The following LRRIQ3 variants were observed in gnomAD, a reference collection of about 807,000 sequenced individuals.
The protein encoded by LRRIQ3 is leucine rich repeats and IQ motif containing 3.
A neutral mutation model predicts 59.3 loss-of-function variants in LRRIQ3; 75 were observed. That is an observed-to-expected ratio of 1.26 (90% CI 1.05 to 1.53). The LOEUF (loss-of-function observed/expected upper bound fraction) is 1.53. Among genes scored for constraint, LRRIQ3 ranks in the 40% most tolerant of loss-of-function variants. The pLI, the probability that LRRIQ3 is intolerant of heterozygous loss-of-function variation, is 0.00. For missense variants in LRRIQ3, 831 were observed against 710.0 expected (o/e 1.17, Z -1.94); for synonymous variants, 250 against 231.3 (o/e 1.08, Z -0.73).
intron 1 of LRRIQ3, among the ~76,000 whole-genome samples, chr1:74,184,055 T>G (rs2100728216): frequency 6.6e-6 from 1 of 152,164 alleles, no homozygotes; most frequent in East Asian, 1.9e-4. Context: ...TATGATAATT[T>G]TTGTTAAAAT....
At chr1:74,069,860 G>A (rs906303456) in intron 6 of LRRIQ3, among the ~76,000 whole-genome samples, 11 of 151,838 alleles carry the variant, frequency 7.2e-5, no homozygotes, top group African/African-American at 2.7e-4. Flanking sequence ...AATGCCTAGG[G>A]CTGATAAAAA....
At chr1:74,117,313 A>G (rs1024637901) in intron 4 of LRRIQ3, among the ~76,000 whole-genome samples, 1 of 152,150 alleles carries the variant, frequency 6.6e-6, no homozygotes, top group African/African-American at 2.4e-5. Context: ...GGCTCATTTC[A>G]TTAAATAAAG....
At chr1:74,055,313 AC>A (rs1654499384) in intron 6 of LRRIQ3, among the ~76,000 whole-genome samples, 1 of 151,590 alleles carries the variant, frequency 6.6e-6, no homozygotes, top group African/African-American at 2.4e-5. Flanking sequence ...CATTTTCATC[AC>A]CGTAGAAAGA....
At position 74,109,457 on chromosome 1, in the gene LRRIQ3, G is replaced by T. The variant is rs182798407; in HGVS notation, c.804C>A (p.Leu268=). 1 of 1,575,576 alleles carries T rather than the reference G, an allele frequency of 6.3e-7. No homozygotes were observed. Residue 268 remains leucine (L), a synonymous_variant, in exon 5 of 8, where the codon CTC becomes CTA. Coordinates refer to ENST00000354431, the MANE Select transcript of LRRIQ3 (RefSeq NM_001105659.2). ...IYITKGYEDK[L]LKDLFFKPET... is the part of the protein sequence containing the mutation. Reference sequence around the variant, plus strand: ...CAGGTTTGAAAAAGAGATCCTTAAGGAGCTTATCTTCATACCCTTTGGTTA... The same window carrying T: ...CAGGTTTGAAAAAGAGATCCTTAAGTAGCTTATCTTCATACCCTTTGGTTA...
intron 5 of LRRIQ3, among the ~76,000 whole-genome samples, chr1:74,099,020 C>T (rs960410952): frequency 6.6e-6 from 1 of 152,002 alleles, no homozygotes; most frequent in Non-Finnish European, 1.5e-5. Context: ...CAAACACATT[C>T]AAAAGCTAGC....
intron 4 of LRRIQ3, among the ~76,000 whole-genome samples, chr1:74,109,997 A>G (rs1240331194): frequency 6.6e-6 from 1 of 151,832 alleles, no homozygotes; most frequent in Non-Finnish European, 1.5e-5. Flanking sequence ...TATACTCTAG[A>G]GCAGTATGTC....
intron 6 of LRRIQ3, among the ~76,000 whole-genome samples, chr1:74,059,779 C>G (rs1359333270): frequency 6.6e-6 from 1 of 151,978 alleles, no homozygotes; most frequent in Non-Finnish European, 1.5e-5. Flanking sequence ...CTCTATATTG[C>G]TTTCAGTAGT....
At chr1:74,059,575 G>A (rs1022831730) in intron 6 of LRRIQ3, among the ~76,000 whole-genome samples, 2 of 152,042 alleles carry the variant, frequency 1.3e-5, no homozygotes, top group East Asian at 1.9e-4. Context: ...CATTATGCCA[G>A]TTTTCACATT....
At chr1:74,193,932 T>C (rs1358210412) in intron 1 of LRRIQ3, among the ~76,000 whole-genome samples, 1 of 152,192 alleles carries the variant, frequency 6.6e-6, no homozygotes, top group Non-Finnish European at 1.5e-5. Flanking sequence ...ATTTTATACA[T>C]ATTGTGATTA....
rs796903800 is a variant in LRRIQ3 at position 74,032,465 on chromosome 1, C to G, written c.1719-5496G>C. Among the ~76,000 whole-genome samples, 3 of 152,014 alleles carry G rather than the reference C, an allele frequency of 2.0e-5. No homozygotes were observed. In the South Asian group the frequency reaches 6.2e-4, roughly 31 times the overall value. ...CCAGAGCAATGGTTCTCATTTAGGT[C>G]TTGGGTCCTCATCCAGATCAGTGGT... On this transcript the variant is annotated intron_variant, in intron 7 of 7. Transcript: ENST00000354431.
chr1:74,065,050 T>C (rs914285692), intron 6 of LRRIQ3, among the ~76,000 whole-genome samples: 19 of 152,100 alleles, frequency 1.2e-4, no homozygotes, highest in Non-Finnish European at 1.0e-4. Context: ...AGTTCTCCCA[T>C]TACATTTGGC....
At chr1:74,099,053 T>C (rs1205299339) in intron 5 of LRRIQ3, among the ~76,000 whole-genome samples, 1 of 151,664 alleles carries the variant, frequency 6.6e-6, no homozygotes, top group East Asian at 1.9e-4. Context: ...ATAACTAAGA[T>C]CAGAGCAGAA....
chr1:74,182,478 G>A, intron 3 of LRRIQ3, 60 bp downstream of exon 3: 1 of 1,079,340 alleles, frequency 9.3e-7, no homozygotes, highest in Non-Finnish European at 1.3e-6. Flanking sequence ...ATAGAACTCA[G>A]AAGCTAAAAT....
chr1:74,150,721 A>T (rs1238425377), intron 4 of LRRIQ3, among the ~76,000 whole-genome samples: 1 of 152,102 alleles, frequency 6.6e-6, no homozygotes, highest in Non-Finnish European at 1.5e-5. Context: ...ATAAGCTGAA[A>T]TTTGTCTTTC....
At chr1:74,109,323 G>T in intron 5 of LRRIQ3, 71 bp downstream of exon 5, 1 of 1,045,288 alleles carries the variant, frequency 9.6e-7, no homozygotes. Context: ...AGAAATAATA[G>T]CGCTACCTAA....
chr1:74,062,222 C>A (rs1654739251), intron 6 of LRRIQ3, among the ~76,000 whole-genome samples: 1 of 151,882 alleles, frequency 6.6e-6, no homozygotes, highest in Non-Finnish European at 1.5e-5. Context: ...TGAAAAATAA[C>A]CCCATTAAAA....
At chr1:74,127,628 C>A (rs1001032236) in intron 4 of LRRIQ3, among the ~76,000 whole-genome samples, 1 of 151,596 alleles carries the variant, frequency 6.6e-6, no homozygotes, top group African/African-American at 2.4e-5. Context: ...CATCCTTCTG[C>A]TTTTTAACTT....
intron 5 of LRRIQ3, chr1:74,108,869 T>G: frequency 2.6e-6 from 1 of 379,770 alleles, no homozygotes; most frequent in South Asian, 2.0e-5. Flanking sequence ...TTGGTCAAAA[T>G]GAGATAAAAA....
intron 2 of LRRIQ3, 64 bp downstream of exon 2, chr1:74,183,372 T>G: frequency 1.4e-6 from 2 of 1,393,362 alleles, no homozygotes; most frequent in South Asian, 1.6e-5. Flanking sequence ...ATAGGTAACA[T>G]AAGTACTTAT....
Sources: allele counts gnomAD v4.1 joint callset (sites outside exome capture counted in the v4.1 genomes callset), GRCh38; gene constraint gnomAD v4.1.1; transcripts MANE v1.5; gene names NCBI Gene and HGNC (gene_info 2026-07-23, HGNC 2026-07-21).